The following USH2A variants were observed in gnomAD, a reference collection of about 807,000 sequenced individuals.
The protein encoded by USH2A is Usher syndrome 2A (autosomal recessive, mild).
A neutral mutation model predicts 538.9 loss-of-function variants in USH2A; 443 were observed. The observed-to-expected ratio is 0.82, with a 90% CI of 0.76 to 0.89. USH2A has a LOEUF of 0.89. Among genes scored for constraint, USH2A ranks in the 40% least tolerant of loss-of-function variants. USH2A has a pLI of 0.00. For missense variants in USH2A, 6,633 were observed against 6,324.8 expected (o/e 1.05, Z -1.65); for synonymous variants, 2,413 against 2,273.5 (o/e 1.06, Z -1.75).
intron 47 of USH2A, among the ~76,000 whole-genome samples, chr1:215,823,333 T>G (rs907735886): frequency 6.6e-6 from 1 of 152,080 alleles, no homozygotes; most frequent in African/African-American, 2.4e-5. Flanking sequence ...GCATTTGTTT[T>G]TTTATTTCAG....
intron 3 of USH2A, among the ~76,000 whole-genome samples, chr1:216,390,719 C>T (rs894795827): frequency 1.3e-5 from 2 of 151,946 alleles, no homozygotes; most frequent in Admixed American, 1.3e-4. Flanking sequence ...GATATATTTC[C>T]TCGGTGTTCA....
intron 3 of USH2A, among the ~76,000 whole-genome samples, chr1:216,366,969 A>G (rs1489902919): frequency 6.6e-6 from 1 of 152,104 alleles, no homozygotes; most frequent in African/African-American, 2.4e-5. Flanking sequence ...GCATTATCTC[A>G]TGTTTTACAA....
chr1:215,879,608 G>C (rs1664858788), intron 41 of USH2A, among the ~76,000 whole-genome samples: 1 of 152,156 alleles, frequency 6.6e-6, no homozygotes, highest in African/African-American at 2.4e-5. Flanking sequence ...TTGAGTTCCT[G>C]AATCTTATTT....
intron 22 of USH2A, among the ~76,000 whole-genome samples, chr1:216,090,055 T>C (rs1050383301): frequency 2.0e-5 from 3 of 152,008 alleles, no homozygotes; most frequent in African/African-American, 7.2e-5. Context: ...ATGAATTTTC[T>C]TCTTAATAAA....
At chr1:216,108,021 A>C (rs2032780030) in intron 21 of USH2A, among the ~76,000 whole-genome samples, 1 of 151,804 alleles carries the variant, frequency 6.6e-6, no homozygotes, top group Non-Finnish European at 1.5e-5. Flanking sequence ...TTCACTAATC[A>C]AATGTCTTCA....
rs115064571 is a variant in USH2A at position 216,403,797 on chromosome 1, C to T, written c.651+14717G>A. ...AACTGTATAATCCCCATAATCCCCA[C>T]GTGTCTAGGGAGGCACCTGGCGGGA... On this transcript the variant is annotated intron_variant, in intron 3 of 71. Coordinates refer to ENST00000307340, the MANE Select transcript of USH2A (RefSeq NM_206933.4). 5.1e-3 allele frequency among the ~76,000 whole-genome samples: 781 copies of T among 152,222 alleles called. 5 individuals carry two copies. The highest frequency in any genetic ancestry group is 0.018 in the African/African-American group (749 of 41,534).
intron 13 of USH2A, 39 bp from the exon 14 acceptor site, chr1:216,232,175 T>C (rs573142490): frequency 2.2e-5 from 34 of 1,567,526 alleles, no homozygotes; most frequent in South Asian, 1.2e-4. Context: ...ATATACTTTT[T>C]ATCCACTCTT....
intron 29 of USH2A, among the ~76,000 whole-genome samples, chr1:216,071,160 A>G (rs569097715): frequency 6.6e-6 from 1 of 152,306 alleles, no homozygotes; most frequent in South Asian, 2.1e-4. Flanking sequence ...CTAGCTGCTC[A>G]TGGACTCCTG....
chr1:215,989,044 T>C lies in USH2A; in HGVS notation c.6805+3976A>G, dbSNP rs141402906. 5.6e-3 allele frequency among the ~76,000 whole-genome samples: 854 copies of C among 152,332 alleles called. 8 individuals carry two copies. The highest frequency in any genetic ancestry group is 0.019 in the African/African-American group (805 of 41,590). ...ACGCTGGCCAAAGGCTACCAATTGT[T>C]TGATTGGCAAGGACTGGACATTTAT... On this transcript the variant is annotated intron_variant, in intron 35 of 71. Coordinates refer to ENST00000307340, the MANE Select transcript of USH2A (RefSeq NM_206933.4).
intron 41 of USH2A, among the ~76,000 whole-genome samples, chr1:215,887,290 A>G (rs1043555039): frequency 1.3e-5 from 2 of 152,100 alleles, no homozygotes; most frequent in Non-Finnish European, 1.5e-5. Context: ...GTTTTGTTGC[A>G]TCATAGTGAT....
intron 21 of USH2A, among the ~76,000 whole-genome samples, chr1:216,126,975 T>C (rs2033266675): frequency 6.6e-6 from 1 of 152,214 alleles, no homozygotes; most frequent in South Asian, 2.1e-4. Context: ...TTTATCACTC[T>C]TACTATGCCA....
At chr1:215,693,112 ATGTG>A (rs1208145247) in intron 61 of USH2A, among the ~76,000 whole-genome samples, 13 of 45,588 alleles carry the variant, frequency 2.9e-4, no homozygotes, top group African/African-American at 6.9e-4. Flanking sequence ...GTGTGTGTGT[ATGTG>A]TATATATATA....
At chr1:215,812,004 A>ATTC (rs1662707412) in intron 49 of USH2A, among the ~76,000 whole-genome samples, 1 of 37,700 alleles carries the variant, frequency 2.7e-5, no homozygotes, top group Non-Finnish European at 4.6e-5. Flanking sequence ...TTTTTTTTTG[A>ATTC]GACAGAGTCT....
intron 13 of USH2A, among the ~76,000 whole-genome samples, chr1:216,241,281 T>A (rs1454021352): frequency 1.3e-5 from 2 of 152,162 alleles, no homozygotes; most frequent in East Asian, 3.9e-4. Context: ...AAGCCCAGAA[T>A]AAACATCTAA....
chr1:215,917,291 T>C (rs1665979972), intron 38 of USH2A, among the ~76,000 whole-genome samples: 1 of 152,112 alleles, frequency 6.6e-6, no homozygotes, highest in Non-Finnish European at 1.5e-5. Flanking sequence ...TTCCTATTAT[T>C]TTGAATACGA....
intron 21 of USH2A, among the ~76,000 whole-genome samples, chr1:216,114,903 C>A (rs1181565153): frequency 6.6e-6 from 1 of 151,966 alleles, no homozygotes; most frequent in East Asian, 1.9e-4. Context: ...TAGATAGATA[C>A]AGATACATAG....
intron 13 of USH2A, among the ~76,000 whole-genome samples, chr1:216,234,106 C>T (rs564489050): frequency 6.6e-6 from 1 of 152,144 alleles, no homozygotes; most frequent in Admixed American, 6.6e-5. Flanking sequence ...AAAAGTGAAT[C>T]TATTCTCTTA....
At chr1:215,879,501 C>A (rs1156493450) in intron 41 of USH2A, among the ~76,000 whole-genome samples, 1 of 152,162 alleles carries the variant, frequency 6.6e-6, no homozygotes, top group African/African-American at 2.4e-5. Flanking sequence ...CATCAGAACT[C>A]ATTTCTTTGC....
At chr1:216,084,547 G>T (rs2032058754) in intron 25 of USH2A, 151 bp downstream of exon 25, 1 of 764,068 alleles carries the variant, frequency 1.3e-6, no homozygotes. Context: ...CAGATGTCAA[G>T]AATATATTTG....
Sources: allele counts gnomAD v4.1 joint callset (sites outside exome capture counted in the v4.1 genomes callset), GRCh38; gene constraint gnomAD v4.1.1; transcripts MANE v1.5; gene names NCBI Gene and HGNC (gene_info 2026-07-23, HGNC 2026-07-21).